Variants in CPLANE1 observed in about 807,000 individuals in gnomAD.
CPLANE1 encodes ciliogenesis and planar polarity effector 1.
Under a neutral mutation model 362.5 loss-of-function variants are expected in CPLANE1, and 263 were observed. The ratio of observed to expected loss-of-function variants is 0.73; its 90% CI spans 0.66 to 0.80. The LOEUF is 0.80. CPLANE1 is among the 30% of genes least tolerant of loss of function. The pLI is 0.00. For missense variants in CPLANE1, 3,461 were observed against 3,793.4 expected, an observed-to-expected ratio of 0.91 and a Z score of 2.30; for synonymous variants, 1,212 against 1,302.6, an observed-to-expected ratio of 0.93 and a Z score of 1.50.
chr5:37,169,304 G>A lies in CPLANE1; in HGVS notation c.6720C>T (p.Phe2240=), dbSNP rs146959185. The stretch of plus-strand genomic sequence containing the variant: ...CTTGTGGAATACTTCCTGTATGTAA[G>A]AAAAGGGGCTGGAATTCTTGTTTAG... ...FKSKQEFQPL[F]LHTGSIPQVP... Residue 2240 remains phenylalanine (F), a synonymous_variant, in exon 34 of 53, where the codon TTC becomes TTT. Coordinates refer to ENST00000651892, the MANE Select transcript of CPLANE1 (RefSeq NM_001384732.1). 19 of 1,614,066 alleles carry A rather than the reference G, an allele frequency of 1.2e-5. No individual in the cohort carries two copies. Among genetic ancestry groups the A allele is most frequent in the Non-Finnish European group, 1.6e-5 (19 of 1,180,044 alleles).
chr5:37,138,547 T>C lies in CPLANE1; in HGVS notation c.8792+173A>G, dbSNP rs541727556. ...CCACAGGATACAGTTATATACTATATATTGTTAGAGAAAAGGGAAGAATGA... is the reference window on the plus strand; with the variant it reads ...CCACAGGATACAGTTATATACTATACATTGTTAGAGAAAAGGGAAGAATGA... On this transcript the variant is annotated intron_variant, in intron 46 of 52. Transcript: ENST00000651892. The C allele has an allele frequency of 6.6e-6, 5 of 753,188 alleles. No individual in the cohort carries two copies. The South Asian group carries it at 7.1e-5, about 11-fold the overall frequency. The allele number at this position is 753,188 out of a possible 1,614,324, so 46.7% of individuals were successfully genotyped here.
chr5:37,131,387 C>T (rs1284480992), intron 46 of CPLANE1, among the ~76,000 whole-genome samples: 1 of 152,092 alleles, frequency 6.6e-6, no homozygotes. Context: ...TAATTCCTTG[C>T]CCTTCACTTA....
At chr5:37,241,860 G>A (rs1479002375) in intron 6 of CPLANE1, among the ~76,000 whole-genome samples, 1 of 151,972 alleles carries the variant, frequency 6.6e-6, no homozygotes, top group Non-Finnish European at 1.5e-5. Flanking sequence ...GAACTCCTGG[G>A]CTCAAGTGAT....
At chr5:37,230,100 C>G (rs1452262128) in intron 9 of CPLANE1, among the ~76,000 whole-genome samples, 1 of 149,762 alleles carries the variant, frequency 6.7e-6, no homozygotes, top group African/African-American at 2.5e-5. Context: ...CGCTTGAACC[C>G]GGGAGAGGGG....
chr5:37,186,437 C>T (rs776120436), intron 23 of CPLANE1, 43 bp from the exon 24 acceptor site: 1 of 827,414 alleles, frequency 1.2e-6, no homozygotes, highest in Non-Finnish European at 2.1e-6. Context: ...AAACATCATT[C>T]TTTTTTTTTC....
At chr5:37,120,408 A>G in intron 49 of CPLANE1, 68 bp from the exon 50 acceptor site, 1 of 1,401,476 alleles carries the variant, frequency 7.1e-7, no homozygotes, top group Non-Finnish European at 9.6e-7. Flanking sequence ...TTAACATTTC[A>G]AAAAGCCCAA....
In CPLANE1 at chr5:37,183,823, C is replaced by T. The variant is rs546915979; in HGVS notation, c.4482-124G>A. 5 of 643,436 alleles carry T rather than the reference C, an allele frequency of 7.8e-6. No homozygotes were observed. In the African/African-American group the frequency reaches 9.3e-5, roughly 12 times the overall value. The allele number at this position is 643,436 out of a possible 1,614,324, so 39.9% of individuals were successfully genotyped here. On this transcript the variant is annotated intron_variant, in intron 25 of 52. Coordinates refer to ENST00000651892, the MANE Select transcript of CPLANE1 (RefSeq NM_001384732.1). ...ATGTATATTTTGTGTGCCTCAATTA[C>T]CTACATTTCAAATGAGGGAGTGGGA... is the stretch of plus-strand genomic sequence containing the variant.
chr5:37,169,903 T>A, intron 33 of CPLANE1, 138 bp downstream of exon 33: 1 of 857,022 alleles, frequency 1.2e-6, no homozygotes, highest in Non-Finnish European at 1.8e-6. Context: ...ACTTTTGTAT[T>A]TTTAGTAGAG....
chr5:37,236,290 G>A (rs1056802358), intron 8 of CPLANE1, among the ~76,000 whole-genome samples: 2 of 152,112 alleles, frequency 1.3e-5, no homozygotes, highest in Non-Finnish European at 2.9e-5. Flanking sequence ...ACAACCAACT[G>A]ATCTTCAGCA....
intron 43 of CPLANE1, among the ~76,000 whole-genome samples, chr5:37,147,154 C>T (rs1284561297): frequency 2.0e-5 from 3 of 152,084 alleles, no homozygotes; most frequent in Non-Finnish European, 4.4e-5. Flanking sequence ...AGAAGCTTGA[C>T]CAAAGGGAGA....
chr5:37,100,901 G>A, the CPLANE1 span, among the ~76,000 whole-genome samples: 2 of 152,056 alleles, frequency 1.3e-5, no homozygotes, highest in Non-Finnish European at 2.9e-5. Flanking sequence ...TCATAATTTG[G>A]TTGTCTGCTT....
At chr5:37,179,268 G>T (rs1020640903) in intron 29 of CPLANE1, 93 bp downstream of exon 29, 13 of 819,828 alleles carry the variant, frequency 1.6e-5, no homozygotes, top group Non-Finnish European at 2.5e-5. Context: ...GCCCTGCTTT[G>T]ATATATTTAA....
intron 50 of CPLANE1, among the ~76,000 whole-genome samples, chr5:37,119,310 T>C (rs1761954254): frequency 6.6e-6 from 1 of 152,140 alleles, no homozygotes. Flanking sequence ...TAGCCAGATA[T>C]ACAAAAGAAA....
rs1387719071 is a variant in CPLANE1, at chr5:37,182,875, G to A, written c.5306C>T (p.Ser1769Phe). Residue 1769 changes from serine (S) to phenylalanine (F), a missense_variant, in exon 26 of 53, where the codon TCT becomes TTT. By Grantham distance (155) the Ser-to-Phe change is radical. Around this residue, in one of 2 missense-constraint regions of CPLANE1, gnomAD observed 3,380 missense variants for 3,666.1 expected, o/e 0.92. Coordinates refer to ENST00000651892, the MANE Select transcript of CPLANE1 (RefSeq NM_001384732.1). ...TACACGAATTACTGGACTGTACTCA[G>A]AGGATGACTCAGTTATACCAGAATC... The part of the protein sequence containing the change: ...LCDSGITESS[S>F]EYSPVIRVKT... 1 of 1,609,656 alleles carries A rather than the reference G, an allele frequency of 6.2e-7. No homozygotes were observed. Among genetic ancestry groups the A allele is most frequent in the Non-Finnish European group, 8.5e-7 (1 of 1,178,896 alleles).
the CPLANE1 span, among the ~76,000 whole-genome samples, chr5:37,082,767 C>CAAA: frequency 3.0e-4 from 38 of 125,684 alleles, no homozygotes; most frequent in Middle Eastern, 4.2e-3. Flanking sequence ...CGTGGAAACC[C>CAAA]AAAAAAAAAA....
At chr5:37,210,820 T>A in intron 16 of CPLANE1, 1 of 983,112 alleles carries the variant, frequency 1.0e-6, no homozygotes, top group Non-Finnish European at 1.7e-6. Context: ...CAGAAAGAAC[T>A]AAGGAGAGCA....
chr5:37,118,867 C>T (rs905305856), intron 50 of CPLANE1, among the ~76,000 whole-genome samples: 6 of 152,040 alleles, frequency 3.9e-5, no homozygotes, highest in African/African-American at 7.2e-5. Context: ...GCGCACACCA[C>T]CACGCCCAGC....
At chr5:37,165,503 C>A (rs927150482) in intron 36 of CPLANE1, 36 bp downstream of exon 36, 2 of 1,601,618 alleles carry the variant, frequency 1.2e-6, no homozygotes, top group African/African-American at 1.3e-5. Flanking sequence ...AGTGTACATG[C>A]AAACCAGGGA....
At chr5:37,229,378 G>C (rs528225143) in intron 9 of CPLANE1, among the ~76,000 whole-genome samples, 1 of 149,184 alleles carries the variant, frequency 6.7e-6, no homozygotes, top group African/African-American at 2.5e-5. Context: ...GTGAAACCCC[G>C]TCTCTAAAAA....
Sources: gnomAD v4.1 joint callset for allele counts (sites outside exome capture counted in the v4.1 genomes callset) on GRCh38, gnomAD v4.1.1 for gene constraint, gnomAD v4.1.1 regional missense constraint, MANE v1.5 for transcripts, NCBI Gene and HGNC (gene_info 2026-07-23, HGNC 2026-07-21) for gene names.